The following DPP10 variants were observed in gnomAD, a reference collection of about 807,000 sequenced individuals.
DPP10 encodes the protein inactive dipeptidyl peptidase 10.
Under a neutral mutation model 120.9 loss-of-function variants are expected in DPP10, and 33 were observed. The observed-to-expected ratio is 0.27, with a 90% CI of 0.21 to 0.37. The LOEUF (loss-of-function observed/expected upper bound fraction) is 0.37, where lower values mean the gene tolerates loss of function less well. Ranked by LOEUF, DPP10 falls within the 10% of genes least tolerant of loss-of-function variation. DPP10 has a pLI of 1.00. For synonymous variants in DPP10, 337 were observed against 326.1 expected (o/e 1.03, Z -0.36); for missense variants, 816 against 942.8 (o/e 0.87, Z 1.76).
chr2:115,434,426 G>A (rs1240853761), intron 3 of DPP10, among the ~76,000 whole-genome samples: 1 of 151,916 alleles, frequency 6.6e-6, no homozygotes, highest in East Asian at 1.9e-4. Context: ...CCATATCCTT[G>A]AGAAACTGCC....
chr2:115,155,927 C>T (rs1347674567), intron 1 of DPP10, among the ~76,000 whole-genome samples: 1 of 152,120 alleles, frequency 6.6e-6, no homozygotes, highest in Non-Finnish European at 1.5e-5. Context: ...TTGTCTCTTC[C>T]TCTTCTTTCT....
intron 3 of DPP10, among the ~76,000 whole-genome samples, chr2:115,374,527 C>T (rs187455082): frequency 6.6e-6 from 1 of 152,334 alleles, no homozygotes; most frequent in African/African-American, 2.4e-5. Context: ...TTTCTCACAG[C>T]TCCACCAGGC....
intron 3 of DPP10, among the ~76,000 whole-genome samples, chr2:115,407,740 A>C (rs1430099310): frequency 2.0e-5 from 3 of 152,176 alleles, no homozygotes; most frequent in African/African-American, 7.2e-5. Context: ...CCCTGAGCCC[A>C]GTCCTAAGCC....
intron 1 of DPP10, among the ~76,000 whole-genome samples, chr2:114,606,968 A>G (rs1345222088): frequency 1.3e-5 from 2 of 152,334 alleles, no homozygotes; most frequent in African/African-American, 4.8e-5. Flanking sequence ...AGAGAGTGCT[A>G]AAATGAAAAG....
chr2:115,111,514 G>A (rs1328576634), intron 1 of DPP10, among the ~76,000 whole-genome samples: 1 of 152,144 alleles, frequency 6.6e-6, no homozygotes, highest in South Asian at 2.1e-4. Context: ...ATGCCCCTTT[G>A]TCATTGTTCC....
At chr2:114,961,033 C>CTTTTTTT (rs772146022) in intron 1 of DPP10, among the ~76,000 whole-genome samples, 1 of 52,028 alleles carries the variant, frequency 1.9e-5, no homozygotes, top group African/African-American at 7.5e-5. Flanking sequence ...CTCTATACGC[C>CTTTTTTT]TTTTTTTTTT....
chr2:115,654,807 C>G (rs76213817), intron 5 of DPP10, among the ~76,000 whole-genome samples: 9,268 of 151,654 alleles, frequency 0.061, 957 homozygotes, highest in African/African-American at 0.21. Context: ...AGACAGCAGA[C>G]GGCAAAGGAG....
At chr2:115,590,399 T>A (rs1253294214) in intron 5 of DPP10, among the ~76,000 whole-genome samples, 1 of 152,100 alleles carries the variant, frequency 6.6e-6, no homozygotes, top group Non-Finnish European at 1.5e-5. Flanking sequence ...GTCCCACCTA[T>A]GAGTGAGAAC....
At chr2:115,118,118 C>G (rs138333794) in intron 1 of DPP10, among the ~76,000 whole-genome samples, 2 of 152,270 alleles carry the variant, frequency 1.3e-5, no homozygotes, top group East Asian at 3.9e-4. Context: ...CTCCTGTTTA[C>G]TCAAGACCCA....
chr2:114,688,842 C>A (rs1699543183), intron 1 of DPP10, among the ~76,000 whole-genome samples: 1 of 151,776 alleles, frequency 6.6e-6, no homozygotes, highest in Non-Finnish European at 1.5e-5. Context: ...TTACCATCGT[C>A]AACAAAGGAG....
intron 5 of DPP10, among the ~76,000 whole-genome samples, chr2:115,573,571 T>C (rs1488229038): frequency 7.0e-6 from 1 of 142,798 alleles, no homozygotes; most frequent in Non-Finnish European, 1.5e-5. Context: ...CGTGAGCCAC[T>C]GCGCCCGGCC....
intron 21 of DPP10, among the ~76,000 whole-genome samples, chr2:115,831,687 T>C (rs1380315011): frequency 6.6e-6 from 1 of 152,222 alleles, no homozygotes; most frequent in Admixed American, 6.5e-5. Flanking sequence ...CTTCTCCAAG[T>C]CCTTCTATCT....
In DPP10 at chr2:115,768,323, C is replaced by T. The variant is rs34741590; in HGVS notation, c.1140C>T (p.Asp380=). 9.6e-4 allele frequency: 1,555 copies of T among 1,613,560 alleles called. 13 individuals are homozygous for T. In the African/African-American group the frequency reaches 0.015, roughly 16 times the overall value. ...ATGAGGAGCCCGTGTTTTCTAGAGA[C>T]GGCAGCAAATTCTTTATGACAGTGC... ...QQNEEPVFSR[D]GSKFFMTVPV... Residue 380 remains aspartate, a synonymous_variant, in exon 13 of 26, where the codon GAC becomes GAT. Transcript: ENST00000410059.
At chr2:114,713,939 C>T (rs1273535431) in intron 1 of DPP10, among the ~76,000 whole-genome samples, 1 of 150,150 alleles carries the variant, frequency 6.7e-6, no homozygotes, top group Non-Finnish European at 1.5e-5. Flanking sequence ...GAGCCGAGAT[C>T]GCACCATTGC....
intron 7 of DPP10, among the ~76,000 whole-genome samples, chr2:115,723,332 TC>T (rs2092690596): frequency 6.6e-6 from 1 of 152,212 alleles, no homozygotes; most frequent in African/African-American, 2.4e-5. Flanking sequence ...TTTTTGCTTT[TC>T]TTTGGTTTTC....
intron 1 of DPP10, among the ~76,000 whole-genome samples, chr2:114,692,635 G>A (rs1328650018): frequency 6.6e-6 from 1 of 152,054 alleles, no homozygotes; most frequent in Non-Finnish European, 1.5e-5. Flanking sequence ...GAATATCTTT[G>A]TTAGTTTTCT....
intron 1 of DPP10, among the ~76,000 whole-genome samples, chr2:114,894,452 TCAATAGGC>T (rs1036159879): frequency 6.6e-6 from 1 of 152,174 alleles, no homozygotes; most frequent in African/African-American, 2.4e-5. Context: ...TTCCGTTCAT[TCAATAGGC>T]CACTCTGCTT....
chr2:114,671,898 A>AG lies in DPP10; in HGVS notation c.60+229063dup, dbSNP rs552379891. Reference sequence around the variant, plus strand: ...TTTCTTTCTTTTTTCACTTTTTTGGAGGGAAAATAATCATATTTTCTCACA... The same window carrying AG: ...TTTCTTTCTTTTTTCACTTTTTTGGAGGGGAAAATAATCATATTTTCTCACA... On this transcript the variant is annotated intron_variant, in intron 1 of 25. Coordinates refer to ENST00000410059, the MANE Select transcript of DPP10 (RefSeq NM_020868.6). Among the ~76,000 whole-genome samples the AG allele has an allele frequency of 7.9e-5, 12 of 152,200 alleles. No individual in the cohort carries two copies. The East Asian group carries it at 1.9e-3, about 24-fold the overall frequency.
chr2:115,175,327 G>A (rs767672173), intron 1 of DPP10, among the ~76,000 whole-genome samples: 8 of 152,156 alleles, frequency 5.3e-5, no homozygotes, highest in South Asian at 4.1e-4. Flanking sequence ...TTCCTGCTCC[G>A]TGATTGCTTG....
Sources: gnomAD v4.1 joint callset for allele counts (sites outside exome capture counted in the v4.1 genomes callset) on GRCh38, gnomAD v4.1.1 for gene constraint, MANE v1.5 for transcripts, NCBI Gene and HGNC (gene_info 2026-07-23, HGNC 2026-07-21) for gene names.